KIF13A: variants seen among roughly 807,000 people sequenced by gnomAD.
KIF13A encodes kinesin-like protein KIF13A.
In KIF13A, 79 loss-of-function variants were observed where a neutral mutation model predicts 212.2. That is an observed-to-expected ratio of 0.37 (90% CI 0.31 to 0.45). KIF13A has a LOEUF of 0.45. KIF13A is among the 20% of genes least tolerant of loss of function. KIF13A has a pLI of 1.00. For synonymous variants in KIF13A, 789 were observed against 808.6 expected, an observed-to-expected ratio of 0.98 and a Z score of 0.41; for missense variants, 1,901 against 2,209.0, an observed-to-expected ratio of 0.86 and a Z score of 2.79.
chr6:17,798,731 T>C (rs551285276), intron 22 of KIF13A, among the ~76,000 whole-genome samples: 41 of 152,326 alleles, frequency 2.7e-4, no homozygotes, highest in African/African-American at 9.4e-4. Context: ...TCCAACCACA[T>C]TCACCACAAA....
At chr6:17,767,016 A>G (rs780875329) in intron 38 of KIF13A, among the ~76,000 whole-genome samples, 3 of 152,222 alleles carry the variant, frequency 2.0e-5, no homozygotes, top group Non-Finnish European at 2.9e-5. Context: ...TGAATATCAA[A>G]TATCAGTGAT....
At chr6:17,791,121 T>C (rs1397867731) in intron 25 of KIF13A, among the ~76,000 whole-genome samples, 1 of 152,100 alleles carries the variant, frequency 6.6e-6, no homozygotes, top group Non-Finnish European at 1.5e-5. Context: ...TTTTTTTTTT[T>C]TTAGTTTGGT....
chr6:17,946,640 T>C (rs1777424427), intron 2 of KIF13A, among the ~76,000 whole-genome samples: 1 of 152,236 alleles, frequency 6.6e-6, no homozygotes, highest in African/African-American at 2.4e-5. Context: ...TAATATTAAG[T>C]ACTGTCATTA....
chr6:17,925,025 G>A (rs1775374731), intron 2 of KIF13A, among the ~76,000 whole-genome samples: 1 of 152,240 alleles, frequency 6.6e-6, no homozygotes, highest in South Asian at 2.1e-4. Flanking sequence ...CTTCATGTCT[G>A]AATCAAATTA....
At chr6:17,781,870 C>G (rs1561965350) in intron 29 of KIF13A, among the ~76,000 whole-genome samples, 1 of 152,078 alleles carries the variant, frequency 6.6e-6, no homozygotes, top group East Asian at 1.9e-4. Context: ...TCAAGCAGTC[C>G]TCCTGCATGG....
Position 17,881,439 on chromosome 6 carries a change from C to T in KIF13A, c.160-8002G>A, listed in dbSNP as rs1442889887. ...TGGCATTTCAGCAAAAGTCAATTTA[C>T]AGTTAAAAAAAAAAAAAAAGGCCAG... On this transcript the variant is annotated intron_variant, in intron 3 of 38. Coordinates refer to ENST00000259711, the MANE Select transcript of KIF13A (RefSeq NM_022113.6). 14 of 417,688 alleles carry T rather than the reference C, an allele frequency of 3.4e-5. No homozygotes were observed. The East Asian group carries it at 9.4e-4, about 28-fold the overall frequency. The allele number at this position is 417,688 out of a possible 1,614,324, so 25.9% of individuals were successfully genotyped here.
intron 2 of KIF13A, among the ~76,000 whole-genome samples, chr6:17,956,554 G>C (rs1370792368): frequency 2.0e-5 from 3 of 152,208 alleles, no homozygotes; most frequent in African/African-American, 7.2e-5. Flanking sequence ...GTGTTAGGCT[G>C]TGATATTATG....
intron 2 of KIF13A, among the ~76,000 whole-genome samples, chr6:17,955,266 G>A (rs566511470): frequency 1.8e-4 from 28 of 152,294 alleles, no homozygotes; most frequent in Admixed American, 1.3e-3. Context: ...TATTAGTAGC[G>A]AAGCCAGGAC....
intron 4 of KIF13A, among the ~76,000 whole-genome samples, chr6:17,858,981 C>G (rs1350179944): frequency 6.6e-6 from 1 of 151,810 alleles, no homozygotes; most frequent in African/African-American, 2.4e-5. Context: ...ATTATGGCTT[C>G]TGAGAGCCTA....
Position 17,769,591 on chromosome 6 carries a change from A to C in KIF13A, c.4581+1523T>G, listed in dbSNP as rs1163627230. Among the ~76,000 whole-genome samples the C allele has an allele frequency of 6.6e-6, 1 of 152,202 alleles. No homozygotes were observed. On this transcript the variant is annotated intron_variant, in intron 38 of 38. Coordinates refer to ENST00000259711, the MANE Select transcript of KIF13A (RefSeq NM_022113.6). The surrounding 1 kb of genome is among the most constrained non-coding windows in gnomAD (Gnocchi z 5.8). The stretch of plus-strand genomic sequence containing the variant: ...GCCTAGCTCTGTGAACTGTGAAACT[A>C]TCTGCTGAACACCCCAGAAGGGTCA...
chr6:17,907,504 C>T (rs9371024), intron 2 of KIF13A, among the ~76,000 whole-genome samples: 112,418 of 151,262 alleles, frequency 0.74, 42,142 homozygotes, highest in South Asian at 0.84. Flanking sequence ...CATGAATGTG[C>T]AGGAGAAGCC....
chr6:17,980,775 C>T (rs566249420), intron 2 of KIF13A, among the ~76,000 whole-genome samples: 76 of 152,220 alleles, frequency 5.0e-4, no homozygotes, highest in Admixed American at 1.4e-3. Flanking sequence ...CAACAATGTT[C>T]GGTAGAGTCA....
At chr6:17,868,045 C>G (rs1330704433) in intron 4 of KIF13A, among the ~76,000 whole-genome samples, 1 of 152,224 alleles carries the variant, frequency 6.6e-6, no homozygotes, top group East Asian at 1.9e-4. Context: ...CAACCTTTCT[C>G]CTGAGTTGCA....
At position 17,915,821 on chromosome 6, in the gene KIF13A, G is replaced by T. The variant is rs1388326437; in HGVS notation, c.147-17641C>A. Among the ~76,000 whole-genome samples, 1 of 151,946 alleles carries T rather than the reference G, an allele frequency of 6.6e-6. No individual in the cohort carries two copies. Among genetic ancestry groups the T allele is most frequent in the Non-Finnish European group, 1.5e-5 (1 of 67,968 alleles). On this transcript the variant is annotated intron_variant, in intron 2 of 38. Transcript: ENST00000259711. The surrounding 1 kb of genome is among the most constrained non-coding windows in gnomAD (Gnocchi z 4.4). The stretch of plus-strand genomic sequence containing the variant: ...TACTAAAAAGACAAAAATTAGCTGG[G>T]TGTGGTAGCAAGAGCCTATAGTCCC...
rs1759465050 is a variant in KIF13A at position 17,771,203 on chromosome 6, G to C, written c.4492C>G (p.Gln1498Glu). Residue 1498 changes from glutamine (Q) to glutamate (E), a missense_variant, in exon 38 of 39, where the codon CAG becomes GAG. This residue lies in a region of KIF13A where 687 missense variants were observed against 759.1 expected (regional missense o/e 0.90). Transcript: ENST00000259711. This position sits in a 1 kb window ranked among gnomAD's most constrained non-coding sequence, Gnocchi z 5.4. ...ACAATGCAGCCAGGGTTATGTGCCT[G>C]AGGTGGAGGCATGCTCTGCAAAGGT... ...LLSQESMPPP[Q>E]AHNPGCIVPS... The C allele has an allele frequency of 6.2e-7, 1 of 1,611,932 alleles. No individual in the cohort carries two copies. The highest frequency in any genetic ancestry group is 8.5e-7 in the Non-Finnish European group (1 of 1,178,806).
intron 2 of KIF13A, among the ~76,000 whole-genome samples, chr6:17,928,256 G>A (rs547667527): frequency 1.7e-3 from 264 of 152,284 alleles, no homozygotes; most frequent in Non-Finnish European, 3.2e-3. Flanking sequence ...TATAGCGTAG[G>A]TGTTTTGTGT....
Position 17,987,242 on chromosome 6 carries a change from C to G in KIF13A, c.56-98G>C. 9.4e-7 allele frequency: 1 copy of G among 1,060,530 alleles called. No homozygotes were observed. Among genetic ancestry groups the G allele is most frequent in the Non-Finnish European group, 1.3e-6 (1 of 785,884 alleles). 65.7% of individuals were successfully genotyped at this position (1,060,530 alleles called of 1,614,324 possible). On this transcript the variant is annotated intron_variant, in intron 1 of 38. Coordinates refer to ENST00000259711, the MANE Select transcript of KIF13A (RefSeq NM_022113.6). This position sits in a 1 kb window ranked among gnomAD's most constrained non-coding sequence, Gnocchi z 7.7. Reference sequence around the variant, plus strand: ...CCGAGCGGGGCTCCGTCCCTGGAGGCGGCCGAGCCTGGAGACGGCGCCCCG... The same window carrying G: ...CCGAGCGGGGCTCCGTCCCTGGAGGGGGCCGAGCCTGGAGACGGCGCCCCG...
rs755269176 is a variant in KIF13A at position 17,783,610 on chromosome 6, A to G, written c.3544+36T>C. 15 of 1,353,054 alleles carry G rather than the reference A, an allele frequency of 1.1e-5. No homozygotes were observed. The highest frequency in any genetic ancestry group is 1.6e-5 in the Non-Finnish European group (15 of 963,262). The allele number at this position is 1,353,054 out of a possible 1,614,324, so 83.8% of individuals were successfully genotyped here. ...TGGATAGATTACAAACCTTAGTTAA[A>G]TACAATAATCCCTGTGACTTTAAGT... On this transcript the variant is annotated intron_variant, in intron 29 of 38. Transcript: ENST00000259711. This position sits in a 1 kb window ranked among gnomAD's most constrained non-coding sequence, Gnocchi z 4.3.
chr6:17,930,242 T>C (rs771247535), intron 2 of KIF13A, among the ~76,000 whole-genome samples: 2 of 152,056 alleles, frequency 1.3e-5, no homozygotes, highest in Non-Finnish European at 2.9e-5. Context: ...ATTAAACCAT[T>C]TGGGAGTATT....
Sources: gnomAD v4.1 joint callset for allele counts (sites outside exome capture counted in the v4.1 genomes callset) on GRCh38, gnomAD v4.1.1 for gene constraint, gnomAD v4.1.1 regional missense constraint, Gnocchi (gnomAD v3.1) non-coding constraint, MANE v1.5 for transcripts, NCBI Gene and HGNC (gene_info 2026-07-23, HGNC 2026-07-21) for gene names.